Variants in MLLT3 observed in about 807,000 individuals in gnomAD.
MLLT3 encodes the protein MLLT3 super elongation complex subunit, also known as protein AF-9.
In MLLT3, 4 loss-of-function variants were observed where a neutral mutation model predicts 53.2. The observed-to-expected ratio is 0.08, with a 90% CI of 0.04 to 0.17. MLLT3 has a LOEUF of 0.17. Among genes scored for constraint, MLLT3 ranks in the 10% least tolerant of loss-of-function variants. The probability of loss-of-function intolerance (pLI) is 1.00; values close to 1 mark genes in which losing one functional copy is unlikely to be tolerated. For missense variants in MLLT3, 569 were observed against 684.0 expected (o/e 0.83, Z 1.87); for synonymous variants, 283 against 230.6 (o/e 1.23, Z -2.06).
chr9:20,556,038 T>G (rs1457967859), intron 2 of MLLT3, among the ~76,000 whole-genome samples: 1 of 152,138 alleles, frequency 6.6e-6, no homozygotes, highest in African/African-American at 2.4e-5. Flanking sequence ...AGTGCCTGCA[T>G]CTTACACAGA....
chr9:20,442,595 C>A (rs1424601535), intron 4 of MLLT3, among the ~76,000 whole-genome samples: 1 of 152,140 alleles, frequency 6.6e-6, no homozygotes, highest in South Asian at 2.1e-4. Flanking sequence ...CCACCCTACA[C>A]AAGATTCATT....
intron 2 of MLLT3, among the ~76,000 whole-genome samples, chr9:20,593,937 T>C (rs1434316951): frequency 2.1e-5 from 3 of 144,022 alleles, no homozygotes; most frequent in South Asian, 2.3e-4. Context: ...TACTCAATGT[T>C]CTCATTTTTT....
chr9:20,391,426 T>A (rs573797747), intron 5 of MLLT3, among the ~76,000 whole-genome samples: 1 of 152,162 alleles, frequency 6.6e-6, no homozygotes, highest in Non-Finnish European at 1.5e-5. Context: ...TTCCCATATT[T>A]ATTTTGTAAG....
intron 2 of MLLT3, among the ~76,000 whole-genome samples, chr9:20,474,549 T>G (rs575228975): frequency 6.6e-6 from 1 of 152,236 alleles, no homozygotes; most frequent in Middle Eastern, 3.4e-3. Context: ...CAAAAGACTC[T>G]GCCTTCATTC....
intron 2 of MLLT3, among the ~76,000 whole-genome samples, chr9:20,495,309 A>G (rs1419327058): frequency 2.0e-5 from 3 of 151,984 alleles, no homozygotes; most frequent in African/African-American, 7.3e-5. Context: ...AAAATCTCAG[A>G]CTCCCCACTG....
chr9:20,446,483 T>C (rs1823703961), intron 4 of MLLT3, among the ~76,000 whole-genome samples: 1 of 152,206 alleles, frequency 6.6e-6, no homozygotes, highest in African/African-American at 2.4e-5. Flanking sequence ...TCGACTTCTC[T>C]GGGACTAAGT....
In MLLT3 at chr9:20,422,079, T is replaced by C. The variant is rs575935151; in HGVS notation, c.421-7654A>G. 1.5e-3 allele frequency among the ~76,000 whole-genome samples: 235 copies of C among 152,124 alleles called. 1 individual carries two copies. In the South Asian group the frequency reaches 0.022, roughly 15 times the overall value. ...AGCCACTGAGACCCAAAATCTAACA[T>C]GTCTCAGTCAATGGGCAGAAGACTA... is the stretch of plus-strand genomic sequence containing the variant. On this transcript the variant is annotated intron_variant, in intron 4 of 10. Coordinates refer to ENST00000380338, the MANE Select transcript of MLLT3 (RefSeq NM_004529.4).
At chr9:20,360,970 G>T in intron 7 of MLLT3, 129 bp from the exon 8 acceptor site, 1 of 744,376 alleles carries the variant, frequency 1.3e-6, no homozygotes, top group Non-Finnish European at 2.3e-6. Context: ...ACTCACAGCC[G>T]CTAACACATA....
chr9:20,421,488 A>G (rs1275933408), intron 4 of MLLT3, among the ~76,000 whole-genome samples: 1 of 152,140 alleles, frequency 6.6e-6, no homozygotes, highest in Non-Finnish European at 1.5e-5. Flanking sequence ...AAACTGGGAA[A>G]AGATCCACAA....
intron 2 of MLLT3, among the ~76,000 whole-genome samples, chr9:20,562,769 C>G (rs1392549038): frequency 6.6e-6 from 1 of 152,158 alleles, no homozygotes; most frequent in African/African-American, 2.4e-5. Flanking sequence ...GTAGCCCTGC[C>G]TATCTTTCTG....
At chr9:20,423,652 T>TA (rs57054758) in intron 4 of MLLT3, among the ~76,000 whole-genome samples, 27,332 of 144,412 alleles carry the variant, frequency 0.19, 3,675 homozygotes, top group East Asian at 0.66. Context: ...ATCTCTACAT[T>TA]AAAAAAAAAA....
intron 2 of MLLT3, among the ~76,000 whole-genome samples, chr9:20,479,276 T>C (rs1387345272): frequency 6.6e-6 from 1 of 152,198 alleles, no homozygotes; most frequent in Non-Finnish European, 1.5e-5. Flanking sequence ...TTGTTAACTG[T>C]GTACTTGTAC....
Position 20,408,124 on chromosome 9 carries a change from G to A in MLLT3, c.1125+5597C>T, listed in dbSNP as rs116928292. Among the ~76,000 whole-genome samples, 37 of 152,258 alleles carry A rather than the reference G, an allele frequency of 2.4e-4. No individual in the cohort carries two copies. The East Asian group carries it at 7.1e-3, about 29-fold the overall frequency. Reference sequence around the variant, plus strand: ...ATGCTGAGTTTTGCCAATTGTTGATGACAACCAGCTTTGCAAAGATAGAGC... The same window carrying A: ...ATGCTGAGTTTTGCCAATTGTTGATAACAACCAGCTTTGCAAAGATAGAGC... On this transcript the variant is annotated intron_variant, in intron 5 of 10. Coordinates refer to ENST00000380338, the MANE Select transcript of MLLT3 (RefSeq NM_004529.4).
intron 5 of MLLT3, among the ~76,000 whole-genome samples, chr9:20,376,547 C>T (rs759193284): frequency 6.6e-6 from 1 of 152,046 alleles, no homozygotes; most frequent in Admixed American, 6.6e-5. Context: ...ATTACCTTTA[C>T]TATTATTATT....
At chr9:20,470,670 CTA>C (rs1441078157) in intron 2 of MLLT3, among the ~76,000 whole-genome samples, 1 of 151,976 alleles carries the variant, frequency 6.6e-6, no homozygotes, top group Non-Finnish European at 1.5e-5. Context: ...CCATCTGACT[CTA>C]GTTTCTTCCT....
At chr9:20,376,556 T>C (rs1821770593) in intron 5 of MLLT3, among the ~76,000 whole-genome samples, 1 of 152,204 alleles carries the variant, frequency 6.6e-6, no homozygotes, top group Non-Finnish European at 1.5e-5. Flanking sequence ...ACTATTATTA[T>C]TAAATGCTGT....
Position 20,353,600 on chromosome 9 carries a change from A to G in MLLT3, c.1504-4T>C. 1 of 1,613,238 alleles carries G rather than the reference A, an allele frequency of 6.2e-7. No homozygotes were observed. Among genetic ancestry groups the G allele is most frequent in the Non-Finnish European group, 8.5e-7 (1 of 1,179,162 alleles). On this transcript the variant is annotated splice_region_variant and splice_polypyrimidine_tract_variant and intron_variant, in intron 9 of 10. Coordinates refer to ENST00000380338, the MANE Select transcript of MLLT3 (RefSeq NM_004529.4). ...CTACCAGTTCATCTAGGTATGCCTGAAAGAGAAGAATGTCCCCGAAAAGGA... is the reference window on the plus strand; with the variant it reads ...CTACCAGTTCATCTAGGTATGCCTGGAAGAGAAGAATGTCCCCGAAAAGGA...
chr9:20,533,693 A>G (rs995213405), intron 2 of MLLT3, among the ~76,000 whole-genome samples: 2 of 152,264 alleles, frequency 1.3e-5, no homozygotes, highest in African/African-American at 4.8e-5. Context: ...TGTGATACAT[A>G]TAAGCAACAG....
chr9:20,559,259 T>C (rs1015046314), intron 2 of MLLT3, among the ~76,000 whole-genome samples: 1 of 152,246 alleles, frequency 6.6e-6, no homozygotes, highest in East Asian at 1.9e-4. Context: ...GAGCAAAGGA[T>C]ACTCCTTTGC....
Sources: allele counts gnomAD v4.1 joint callset (sites outside exome capture counted in the v4.1 genomes callset), GRCh38; gene constraint gnomAD v4.1.1; transcripts MANE v1.5; gene names NCBI Gene and HGNC (gene_info 2026-07-23, HGNC 2026-07-21).